Variants in CELSR1 observed in about 807,000 individuals in gnomAD.
CELSR1 encodes cadherin EGF LAG seven-pass G-type receptor 1.
In CELSR1, 110 loss-of-function variants were observed where a neutral mutation model predicts 249.1. The ratio of observed to expected loss-of-function variants is 0.44; its 90% confidence interval spans 0.38 to 0.52. The LOEUF is 0.52. CELSR1 is among the 20% of genes least tolerant of loss of function. CELSR1 has a pLI of 0.00. For synonymous variants in CELSR1, 2,113 were observed against 1,900.0 expected, an observed-to-expected ratio of 1.11 and a Z score of -2.92; for missense variants, 4,109 against 4,296.4, an observed-to-expected ratio of 0.96 and a Z score of 1.22.
rs1304887685 is a variant in CELSR1, at chr22:46,428,748, C to A, written c.4611+4645G>T. 4.6e-5 allele frequency among the ~76,000 whole-genome samples: 7 copies of A among 152,220 alleles called. No individual in the cohort carries two copies. Among genetic ancestry groups the A allele is most frequent in the Admixed American group, 1.3e-4 (2 of 15,288 alleles). ...CACATCTGCTTCATGCGGGATCTCC[C>A]AGCAGCTCTGGGCCTCCTGGCGCTC... On this transcript the variant is annotated intron_variant, in intron 5 of 34. Transcript: ENST00000674500. This position sits in a 1 kb window ranked among gnomAD's most constrained non-coding sequence, Gnocchi z 5.7.
rs1004671632 is a variant in CELSR1 at position 46,463,752 on chromosome 22, T to C, written c.4138A>G (p.Ser1380Gly). The change falls in exon 2 of 35, where the codon AGC becomes GGC. Residue 1380 changes from serine (S) to glycine (G), a missense_variant. Around this residue, in one of 7 missense-constraint regions of CELSR1, gnomAD observed 453 missense variants for 492.0 expected, o/e 0.92. Coordinates refer to ENST00000674500, the MANE Select transcript of CELSR1 (RefSeq NM_001378328.1). Reference protein sequence around the residue: ...DPCGANGRCRSREGGYTCECF... With the variant: ...DPCGANGRCRGREGGYTCECF... ...TCGCAGGTGTAGCCGCCCTCGCGGC[T>C]GCGGCAGCGGCCGTTGGCGCCGCAC... is the stretch of plus-strand genomic sequence containing the variant. The C allele has an allele frequency of 1.9e-6, 3 of 1,545,214 alleles. No individual in the cohort carries two copies. The highest frequency in any genetic ancestry group is 2.6e-6 in the Non-Finnish European group (3 of 1,147,370).
chr22:46,411,891 C>G lies in CELSR1; in HGVS notation c.4612-132G>C, dbSNP rs2079341523. On this transcript the variant is annotated intron_variant, in intron 5 of 34. Transcript: ENST00000674500. This position sits in a 1 kb window ranked among gnomAD's most constrained non-coding sequence, Gnocchi z 4.2. Reference sequence around the variant, plus strand: ...GCACGTAGACAAGGGATGAGGAGCCCCCGGCCTTTAGTTCCCCAAACTAGC... The same window carrying G: ...GCACGTAGACAAGGGATGAGGAGCCGCCGGCCTTTAGTTCCCCAAACTAGC... 8.5e-7 allele frequency: 1 copy of G among 1,173,482 alleles called. No homozygotes were observed. Among genetic ancestry groups the G allele is most frequent in the Non-Finnish European group, 1.2e-6 (1 of 820,190 alleles). 72.7% of individuals were successfully genotyped at this position (1,173,482 alleles called of 1,614,324 possible).
Position 46,536,400 on chromosome 22 carries a change from G to T in CELSR1, c.771C>A (p.Asn257Lys). ...MPNYQVALFENEPAGTLILQL... is the reference protein window; with the variant it reads ...MPNYQVALFEKEPAGTLILQL... ...GGAGGATGAGGGTGCCCGCCGGTTC[G>T]TTCTCAAACAACGCCACCTGGTAGT... Residue 257 changes from asparagine (N) to lysine (K), a missense_variant, in exon 1 of 35, where the codon AAC becomes AAA. Around this residue, in one of 7 missense-constraint regions of CELSR1, gnomAD observed 673 missense variants for 636.8 expected, o/e 1.06. Transcript: ENST00000674500. The T allele has an allele frequency of 1.9e-6, 3 of 1,612,374 alleles. No homozygotes were observed. The highest frequency in any genetic ancestry group is 2.5e-6 in the Non-Finnish European group (3 of 1,179,592).
intron 1 of CELSR1, among the ~76,000 whole-genome samples, chr22:46,494,696 C>CGA (rs2080397091): frequency 6.6e-6 from 1 of 151,814 alleles, no homozygotes; most frequent in African/African-American, 2.4e-5. Context: ...TAGTAGAGAC[C>CGA]GAGGTTTCAC....
At chr22:46,387,645 G>C (rs535142253) in intron 18 of CELSR1, among the ~76,000 whole-genome samples, 9 of 152,114 alleles carry the variant, frequency 5.9e-5, no homozygotes, top group African/African-American at 2.2e-4. Context: ...AGGCGTGAGC[G>C]ACCGCGCCCG....
At chr22:46,404,587 T>A (rs551725044) in intron 9 of CELSR1, among the ~76,000 whole-genome samples, 1 of 152,308 alleles carries the variant, frequency 6.6e-6, no homozygotes, top group East Asian at 1.9e-4. Context: ...TGGTCTCTAT[T>A]GATAGTTTGG....
rs546336728 is a variant in CELSR1, at chr22:46,395,189, A to G, written c.5844-927T>C. On this transcript the variant is annotated intron_variant, in intron 13 of 34. Transcript: ENST00000674500. This position sits in a 1 kb window ranked among gnomAD's most constrained non-coding sequence, Gnocchi z 5.5. Reference sequence around the variant, plus strand: ...TGTGTGTGTGCAGCGTGGGGGCCCCAGAACCTTCATCCCCCTGCAGCAGTG... The same window carrying G: ...TGTGTGTGTGCAGCGTGGGGGCCCCGGAACCTTCATCCCCCTGCAGCAGTG... 1.5e-4 allele frequency among the ~76,000 whole-genome samples: 23 copies of G among 151,888 alleles called. No homozygotes were observed. The highest frequency in any genetic ancestry group is 5.6e-4 in the African/African-American group (23 of 41,346).
At position 46,430,442 on chromosome 22, in the gene CELSR1, T is replaced by G. The variant is rs1022220573; in HGVS notation, c.4611+2951A>C. Among the ~76,000 whole-genome samples the G allele has an allele frequency of 1.3e-5, 2 of 150,132 alleles. No individual in the cohort carries two copies. The highest frequency in any genetic ancestry group is 2.5e-5 in the African/African-American group (1 of 40,622). On this transcript the variant is annotated intron_variant, in intron 5 of 34. Transcript: ENST00000674500. The surrounding 1 kb of genome is among the most constrained non-coding windows in gnomAD (Gnocchi z 4.6). ...AGGCAGGGACGCGTGTGCAGGGGGG[T>G]TCCCTCGGCAGTGTCACCCACCACC... is the stretch of plus-strand genomic sequence containing the variant.
chr22:46,403,299 A>G (rs1354006709), intron 9 of CELSR1, among the ~76,000 whole-genome samples: 1 of 152,086 alleles, frequency 6.6e-6, no homozygotes, highest in Non-Finnish European at 1.5e-5. Flanking sequence ...CTGTAATCCC[A>G]GCACTTTGGG....
In CELSR1 at chr22:46,409,782, G is replaced by A. The variant is rs1395192638; in HGVS notation, c.5032C>T (p.Arg1678Ter). 1.9e-6 allele frequency: 3 copies of A among 1,613,788 alleles called. No individual in the cohort carries two copies. Among genetic ancestry groups the A allele is most frequent in the Non-Finnish European group, 2.5e-6 (3 of 1,179,988 alleles). ...WNMYLCECPL[R>*]FGGKNCEQAM... ...TGCTCACAGTTCTTCCCGCCGAATCGGAGTGGACACTCACACAGATACATA... is the reference window on the plus strand; with the variant it reads ...TGCTCACAGTTCTTCCCGCCGAATCAGAGTGGACACTCACACAGATACATA... The change falls in exon 8 of 35, where the codon CGA (arginine) becomes TGA (stop). Residue 1678 changes from arginine (R) to a stop codon, truncating the protein, a stop_gained. Coordinates refer to ENST00000674500, the MANE Select transcript of CELSR1 (RefSeq NM_001378328.1). LOFTEE classifies it high-confidence loss of function. The surrounding 1 kb of genome is among the most constrained non-coding windows in gnomAD (Gnocchi z 9.8).
intron 1 of CELSR1, among the ~76,000 whole-genome samples, chr22:46,525,200 A>C (rs1602241191): frequency 6.6e-6 from 1 of 152,288 alleles, no homozygotes; most frequent in African/African-American, 2.4e-5. Context: ...TATAATCCCA[A>C]CACTTTGGGA....
chr22:46,467,960 T>C (rs2080115146), intron 1 of CELSR1, among the ~76,000 whole-genome samples: 1 of 152,164 alleles, frequency 6.6e-6, no homozygotes, highest in Non-Finnish European at 1.5e-5. Flanking sequence ...ACGATTAGCA[T>C]GTACCGTTTG....
Position 46,427,772 on chromosome 22 carries a change from G to A in CELSR1, c.4611+5621C>T, listed in dbSNP as rs1386612630. On this transcript the variant is annotated intron_variant, in intron 5 of 34. Transcript: ENST00000674500. This position sits in a 1 kb window ranked among gnomAD's most constrained non-coding sequence, Gnocchi z 4.2. ...AACATGGAAGGGAGAGAAGGAGGGA[G>A]GGAAAGGGAAGGCTACGTGGCCTCA... 6.6e-6 allele frequency among the ~76,000 whole-genome samples: 1 copy of A among 152,146 alleles called. No individual in the cohort carries two copies. The highest frequency in any genetic ancestry group is 1.9e-4 in the East Asian group (1 of 5,184).
At chr22:46,371,888 T>TCCAC (rs1344347087) in intron 25 of CELSR1, among the ~76,000 whole-genome samples, 3 of 138,660 alleles carry the variant, frequency 2.2e-5, no homozygotes, top group Non-Finnish European at 3.1e-5. Context: ...CATCCATCCA[T>TCCAC]CCACCCACCT....
intron 1 of CELSR1, among the ~76,000 whole-genome samples, chr22:46,492,012 C>T (rs772147922): frequency 1.3e-5 from 2 of 152,224 alleles, no homozygotes; most frequent in Non-Finnish European, 2.9e-5. Context: ...ACCAGCACCT[C>T]GCAAGTGCCT....
At chr22:46,382,127 G>T in intron 20 of CELSR1, 77 bp from the exon 21 acceptor site, 1 of 1,351,296 alleles carries the variant, frequency 7.4e-7, no homozygotes, top group Admixed American at 2.8e-5. Flanking sequence ...GCCAGCAGGT[G>T]CTTCTCAAAA....
intron 1 of CELSR1, among the ~76,000 whole-genome samples, chr22:46,475,485 G>A (rs2080198976): frequency 6.6e-6 from 1 of 152,052 alleles, no homozygotes; most frequent in South Asian, 2.1e-4. Context: ...GTGGGGAGGT[G>A]GCATTGAATT....
At position 46,393,641 on chromosome 22, in the gene CELSR1, G is replaced by A. The variant is rs560716102; in HGVS notation, c.5964+501C>T. ...TAATCCCAGCTACTCAGGAGGCTGA[G>A]GCAGAAGAATTGCTGGAACCCGGGA... On this transcript the variant is annotated intron_variant, in intron 14 of 34. Coordinates refer to ENST00000674500, the MANE Select transcript of CELSR1 (RefSeq NM_001378328.1). The surrounding 1 kb of genome is among the most constrained non-coding windows in gnomAD (Gnocchi z 4.1). Among the ~76,000 whole-genome samples the A allele has an allele frequency of 2.0e-5, 3 of 152,214 alleles. No homozygotes were observed. Among genetic ancestry groups the A allele is most frequent in the Admixed American group, 1.3e-4 (2 of 15,286 alleles).
Position 46,458,270 on chromosome 22 carries a change from C to T in CELSR1, c.4183+5437G>A, listed in dbSNP as rs183091151. Among the ~76,000 whole-genome samples, 6 of 152,276 alleles carry T rather than the reference C, an allele frequency of 3.9e-5. No homozygotes were observed. The East Asian group carries it at 7.7e-4, about 20-fold the overall frequency. Reference sequence around the variant, plus strand: ...AGGCTAGACCTCTGAGTGCCACAGGCCCAGTGACTGCACTTTATACTGGAG... The same window carrying T: ...AGGCTAGACCTCTGAGTGCCACAGGTCCAGTGACTGCACTTTATACTGGAG... On this transcript the variant is annotated intron_variant, in intron 2 of 34. Coordinates refer to ENST00000674500, the MANE Select transcript of CELSR1 (RefSeq NM_001378328.1).
Sources: gnomAD v4.1 joint callset for allele counts (sites outside exome capture counted in the v4.1 genomes callset) on GRCh38, gnomAD v4.1.1 for gene constraint, gnomAD v4.1.1 regional missense constraint, Gnocchi (gnomAD v3.1) non-coding constraint, MANE v1.5 for transcripts, NCBI Gene and HGNC (gene_info 2026-07-23, HGNC 2026-07-21) for gene names.